MAP2K5: variants seen among roughly 807,000 people sequenced by gnomAD.
The protein encoded by MAP2K5 is mitogen-activated protein kinase kinase 5, also known as dual specificity mitogen-activated protein kinase kinase 5.
In MAP2K5, 49 loss-of-function variants were observed where a neutral mutation model predicts 83.1. That is an observed-to-expected ratio of 0.59 (90% CI 0.47 to 0.75). The LOEUF (loss-of-function observed/expected upper bound fraction) is 0.75. Among genes scored for constraint, MAP2K5 ranks in the 30% least tolerant of loss-of-function variants. The pLI is 0.00. For missense variants in MAP2K5, 457 were observed against 557.5 expected (o/e 0.82, Z 1.82); for synonymous variants, 202 against 191.8 (o/e 1.05, Z -0.44).
In MAP2K5 at chr15:67,806,645, G is replaced by T; in HGVS notation, c.1243-1G>T. The T allele has an allele frequency of 6.5e-7, 1 of 1,550,194 alleles. No homozygotes were observed. ...TCACAGCCTCCTCCTCTTCCCCGCA[G>T]GGCCACCCGTTCATCGTGCAGTTCA... is the stretch of plus-strand genomic sequence containing the variant. On this transcript the variant is annotated splice_acceptor_variant, in intron 21 of 21. Transcript: ENST00000178640. LOFTEE classifies it high-confidence loss of function.
At position 67,801,527 on chromosome 15, in the gene MAP2K5, GAC is replaced by G. The variant is rs2090706825; in HGVS notation, c.1243-5116_1243-5115del. ...GCTTATGGAGCCATCTCCCCAGAGAGACACCACCAGTAGGCAGGCAGTGTGGT... is the reference window on the plus strand; with the variant it reads ...GCTTATGGAGCCATCTCCCCAGAGAGACCACCAGTAGGCAGGCAGTGTGGT... On this transcript the variant is annotated intron_variant, in intron 21 of 21. Coordinates refer to ENST00000178640, the MANE Select transcript of MAP2K5 (RefSeq NM_145160.3). The surrounding 1 kb of genome is among the most constrained non-coding windows in gnomAD (Gnocchi z 4.8). 6.6e-6 allele frequency among the ~76,000 whole-genome samples: 1 copy of G among 152,228 alleles called. No individual in the cohort carries two copies. The highest frequency in any genetic ancestry group is 2.4e-5 in the African/African-American group (1 of 41,458).
chr15:67,571,914 C>G (rs907125713), intron 3 of MAP2K5, among the ~76,000 whole-genome samples: 1 of 152,132 alleles, frequency 6.6e-6, no homozygotes, highest in Non-Finnish European at 1.5e-5. Context: ...AGTGAGCGTA[C>G]AGTTCATGCC....
chr15:67,630,328 A>C (rs1020126858), intron 8 of MAP2K5, among the ~76,000 whole-genome samples: 1 of 152,220 alleles, frequency 6.6e-6, no homozygotes, highest in African/African-American at 2.4e-5. Context: ...TCTTTTTCAT[A>C]AATGGATACA....
At chr15:67,718,478 T>C (rs76940545) in intron 16 of MAP2K5, among the ~76,000 whole-genome samples, 5,597 of 152,226 alleles carry the variant, frequency 0.037, 308 homozygotes, top group African/African-American at 0.12. Flanking sequence ...AAAATTTTTA[T>C]GGGGGCTGGG....
Position 67,623,460 on chromosome 15 carries a change from TG to T in MAP2K5, c.546-7427del, listed in dbSNP as rs200229304. On this transcript the variant is annotated intron_variant, in intron 8 of 21. Transcript: ENST00000178640. ...ATATTGCAAACTTTTGCCAGTTCTT[TG>T]TTGTTAAAGCTTTATTAGAGGGTCA... is the stretch of plus-strand genomic sequence containing the variant. Among the ~76,000 whole-genome samples, 1,280 of 152,310 alleles carry T rather than the reference TG, an allele frequency of 8.4e-3. 41 individuals are homozygous for T. The highest frequency in any genetic ancestry group is 0.062 in the Admixed American group (954 of 15,302).
Position 67,748,281 on chromosome 15 carries a change from A to C in MAP2K5, c.1101+24A>C, listed in dbSNP as rs754813250. 2 of 1,591,500 alleles carry C rather than the reference A, an allele frequency of 1.3e-6. No homozygotes were observed. Among genetic ancestry groups the C allele is most frequent in the Non-Finnish European group, 1.7e-6 (2 of 1,161,500 alleles). On this transcript the variant is annotated intron_variant, in intron 18 of 21. Coordinates refer to ENST00000178640, the MANE Select transcript of MAP2K5 (RefSeq NM_145160.3). This position sits in a 1 kb window ranked among gnomAD's most constrained non-coding sequence, Gnocchi z 4.0. ...TGGTAAGCTTTATGAGTTCAGAAAA[A>C]AATTCACTTTTCTTTTTCCTGATGG...
chr15:67,579,387 A>T (rs1221483980), intron 3 of MAP2K5, among the ~76,000 whole-genome samples: 1 of 152,218 alleles, frequency 6.6e-6, no homozygotes, highest in East Asian at 1.9e-4. Flanking sequence ...CTGTTTGAGT[A>T]ATGGCGAGTG....
intron 8 of MAP2K5, among the ~76,000 whole-genome samples, chr15:67,603,510 G>A (rs1455580771): frequency 6.6e-6 from 1 of 152,162 alleles, no homozygotes; most frequent in East Asian, 1.9e-4. Context: ...TTCTTATATA[G>A]TAGATTTCTT....
At chr15:67,549,198 TCC>T (rs1378831754) in intron 1 of MAP2K5, 7 of 1,535,520 alleles carry the variant, frequency 4.6e-6, no homozygotes, top group Non-Finnish European at 5.2e-6. Context: ...AGGGTCACTT[TCC>T]CCAGAGCGTA....
Position 67,592,965 on chromosome 15 carries a change from C to T in MAP2K5, c.471C>T (p.Ala157=), listed in dbSNP as rs1355654964. The change falls in exon 7 of 22, where the codon GCC becomes GCT. Residue 157 remains alanine (A), a synonymous_variant. Transcript: ENST00000178640. The part of the protein sequence containing the change: ...KSSAELKKIL[A]NGQMNEQDIR... ...CTGCTGAACTGAAAAAAATACTAGC[C>T]AATGGCCAGGTAGGTATTATTATAT... 4 of 1,602,344 alleles carry T rather than the reference C, an allele frequency of 2.5e-6. No individual in the cohort carries two copies. The African/African-American group carries it at 5.4e-5, about 21-fold the overall frequency.
chr15:67,716,965 A>T (rs1256538598), intron 16 of MAP2K5, among the ~76,000 whole-genome samples: 1 of 152,230 alleles, frequency 6.6e-6, no homozygotes, highest in Non-Finnish European at 1.5e-5. Context: ...GGAAACTTAG[A>T]TCCAGATAAG....
rs917336534 is a variant in MAP2K5 at position 67,724,135 on chromosome 15, A to G, written c.1045-3781A>G. ...ATTAAATCTGAAACACATTTAGTAC[A>G]GTGACATATCTGCAGGCCATTTCAG... On this transcript the variant is annotated intron_variant, in intron 16 of 21. Transcript: ENST00000178640. The surrounding 1 kb of genome is among the most constrained non-coding windows in gnomAD (Gnocchi z 4.4). Among the ~76,000 whole-genome samples the G allele has an allele frequency of 6.6e-6, 1 of 152,234 alleles. No homozygotes were observed.
At chr15:67,762,929 T>C (rs898237730) in intron 19 of MAP2K5, among the ~76,000 whole-genome samples, 1 of 152,182 alleles carries the variant, frequency 6.6e-6, no homozygotes, top group African/African-American at 2.4e-5. Flanking sequence ...GAGCTGCTAC[T>C]GTCAGCCCAG....
chr15:67,791,438 C>T (rs1392863596), intron 21 of MAP2K5, among the ~76,000 whole-genome samples: 3 of 152,186 alleles, frequency 2.0e-5, no homozygotes, highest in Non-Finnish European at 2.9e-5. Context: ...GCATCATTAC[C>T]ATCTTAGAGT....
Position 67,758,265 on chromosome 15 carries a change from A to T in MAP2K5, c.1134+9664A>T, listed in dbSNP as rs2089878772. 6.6e-6 allele frequency among the ~76,000 whole-genome samples: 1 copy of T among 152,144 alleles called. No individual in the cohort carries two copies. The highest frequency in any genetic ancestry group is 6.5e-5 in the Admixed American group (1 of 15,268). On this transcript the variant is annotated intron_variant, in intron 19 of 21. Transcript: ENST00000178640. This position sits in a 1 kb window ranked among gnomAD's most constrained non-coding sequence, Gnocchi z 4.7. ...TGAAGGGTATTTAGGAGATGGAGCT[A>T]ACTGCATTTGGTAAATAACTAGATA... is the stretch of plus-strand genomic sequence containing the variant.
At chr15:67,773,269 T>C (rs2090176035) in intron 21 of MAP2K5, among the ~76,000 whole-genome samples, 1 of 152,148 alleles carries the variant, frequency 6.6e-6, no homozygotes, top group Non-Finnish European at 1.5e-5. Flanking sequence ...CTTTCTTTGA[T>C]TGCAAATGAC....
At chr15:67,639,125 A>G (rs1470658194) in intron 9 of MAP2K5, among the ~76,000 whole-genome samples, 2 of 152,230 alleles carry the variant, frequency 1.3e-5, no homozygotes, top group African/African-American at 2.4e-5. Context: ...AAAATTGACA[A>G]ATGGGATCTA....
At chr15:67,763,432 CT>C (rs1427240787) in intron 19 of MAP2K5, among the ~76,000 whole-genome samples, 1 of 152,166 alleles carries the variant, frequency 6.6e-6, no homozygotes, top group African/African-American at 2.4e-5. Flanking sequence ...CACCTTTCTC[CT>C]TCTGATAACA....
At chr15:67,752,630 A>G (rs1006437687) in intron 19 of MAP2K5, among the ~76,000 whole-genome samples, 3 of 151,582 alleles carry the variant, frequency 2.0e-5, no homozygotes, top group African/African-American at 7.3e-5. Flanking sequence ...GTGAGCCAAG[A>G]TAAGAGCACT....
Sources: gnomAD v4.1 joint callset for allele counts (sites outside exome capture counted in the v4.1 genomes callset) on GRCh38, gnomAD v4.1.1 for gene constraint, Gnocchi (gnomAD v3.1) non-coding constraint, MANE v1.5 for transcripts, NCBI Gene and HGNC (gene_info 2026-07-23, HGNC 2026-07-21) for gene names.